PI15: variants seen among roughly 807,000 people sequenced by gnomAD.
PI15 encodes peptidase inhibitor 15, also known as 25 kDa trypsin inhibitor.
A neutral mutation model predicts 31.0 loss-of-function variants in PI15; 18 were observed. That is an observed-to-expected ratio of 0.58 (90% CI 0.40 to 0.86). The LOEUF is 0.86. Among genes scored for constraint, PI15 ranks in the 40% least tolerant of loss-of-function variants. PI15 has a pLI of 0.00. For missense variants in PI15, 282 were observed against 328.1 expected (o/e 0.86, Z 1.09); for synonymous variants, 118 against 119.1 (o/e 0.99, Z 0.06).
intron 3 of PI15, 57 bp downstream of exon 3, chr8:74,844,156 C>G (rs972893496): frequency 7.8e-5 from 63 of 812,492 alleles, no homozygotes; most frequent in Non-Finnish European, 1.2e-4. Context: ...ATTATGGACT[C>G]TAGGAGGGAA....
chr8:74,835,208 T>C (rs1328248760), intron 2 of PI15, among the ~76,000 whole-genome samples: 1 of 152,172 alleles, frequency 6.6e-6, no homozygotes, highest in African/African-American at 2.4e-5. Flanking sequence ...TTTTTATCTT[T>C]TTAAAAATTT....
At position 74,849,408 on chromosome 8, in the gene PI15, T is replaced by C; in HGVS notation, c.*155T>C. 2 of 524,328 alleles carry C rather than the reference T, an allele frequency of 3.8e-6. No individual in the cohort carries two copies. Among genetic ancestry groups the C allele is most frequent in the Admixed American group, 3.8e-5 (1 of 26,248 alleles). 32.5% of individuals were successfully genotyped at this position (524,328 alleles called of 1,614,324 possible). A position where few individuals can be genotyped will look rare whatever the true frequency, so the allele number is the denominator to read the frequency against. On this transcript the variant is annotated 3_prime_UTR_variant, in exon 6 of 6. Coordinates refer to ENST00000260113, the MANE Select transcript of PI15 (RefSeq NM_015886.5). ...TGTATAAATTAGTGTTTGTCTAGCA[T>C]GTTTGTTTAATCCTTTGAAATATTT...
chr8:74,829,403 T>C (rs1373294171), intron 2 of PI15, among the ~76,000 whole-genome samples: 1 of 152,090 alleles, frequency 6.6e-6, no homozygotes, highest in Non-Finnish European at 1.5e-5. Context: ...GCACACCAGC[T>C]GTTTTTTATT....
In PI15 at chr8:74,826,879, GA is replaced by G. The variant is rs556760695; in HGVS notation, c.273+1359del. ...AACATTAGTTTTGATGGGTTTCTTT[GA>G]ACTTCTTGTGAAAGGTGCCCAGTGA... On this transcript the variant is annotated intron_variant, in intron 2 of 5. Transcript: ENST00000260113. 5.9e-3 allele frequency among the ~76,000 whole-genome samples: 903 copies of G among 152,118 alleles called. 6 individuals carry two copies. The highest frequency in any genetic ancestry group is 0.017 in the African/African-American group (719 of 41,530).
chr8:74,825,438 G>A lies in PI15; in HGVS notation c.189G>A (p.Ser63=), dbSNP rs137968050. ...IPKARRKRYI[S]QNDMIAILDY... ...AAGCCAGGCGGAAGCGCTACATTTCGCAGAATGACATGATCGCCATTCTTG... is the reference window on the plus strand; with the variant it reads ...AAGCCAGGCGGAAGCGCTACATTTCACAGAATGACATGATCGCCATTCTTG... The change falls in exon 2 of 6, where the codon TCG becomes TCA. Residue 63 remains serine, a synonymous_variant. Transcript: ENST00000260113. 3.5e-5 allele frequency: 57 copies of A among 1,612,446 alleles called. No individual in the cohort carries two copies. Among genetic ancestry groups the A allele is most frequent in the Non-Finnish European group, 4.5e-5 (53 of 1,179,046 alleles).
intron 2 of PI15, among the ~76,000 whole-genome samples, chr8:74,842,023 CTTATT>C (rs1002047920): frequency 2.0e-5 from 3 of 148,654 alleles, no homozygotes; most frequent in South Asian, 4.3e-4. Flanking sequence ...CTTTTTTTTT[CTTATT>C]TTATTTTAAA....
At chr8:74,832,756 A>T (rs1339246606) in intron 2 of PI15, among the ~76,000 whole-genome samples, 1 of 149,502 alleles carries the variant, frequency 6.7e-6, no homozygotes, top group African/African-American at 2.5e-5. Flanking sequence ...AGTCTATGTT[A>T]TCCATAGTAT....
chr8:74,828,511 C>T (rs1304346860), intron 2 of PI15, among the ~76,000 whole-genome samples: 2 of 152,106 alleles, frequency 1.3e-5, no homozygotes, highest in Non-Finnish European at 2.9e-5. Context: ...CTATAAGTGA[C>T]TTGAATTCTC....
At chr8:74,828,390 C>T (rs1258493442) in intron 2 of PI15, among the ~76,000 whole-genome samples, 1 of 151,874 alleles carries the variant, frequency 6.6e-6, no homozygotes. Context: ...GTTAGAAGGA[C>T]TCTTTGAGTA....
chr8:74,828,132 A>G lies in PI15; in HGVS notation c.273+2610A>G, dbSNP rs1810726054. On this transcript the variant is annotated intron_variant, in intron 2 of 5. Coordinates refer to ENST00000260113, the MANE Select transcript of PI15 (RefSeq NM_015886.5). ...TGGGTGGGGAATCAGACAATAAGCC[A>G]GGTAAATAAATAAGTTACACAGGAT... Among the ~76,000 whole-genome samples the G allele has an allele frequency of 2.6e-5, 4 of 152,132 alleles. No homozygotes were observed. The South Asian group carries it at 8.3e-4, about 32-fold the overall frequency.
At chr8:74,844,427 CTGTGTGTGTGTGTGTG>C (rs57644375) in intron 3 of PI15, among the ~76,000 whole-genome samples, 81 of 141,788 alleles carry the variant, frequency 5.7e-4, no homozygotes, top group Non-Finnish European at 7.1e-4. Flanking sequence ...TGTGCAGAGG[CTGTGTGTGTGTGTGTG>C]TGTGTGTGTG....
intron 2 of PI15, among the ~76,000 whole-genome samples, chr8:74,840,275 A>T (rs1810927476): frequency 6.6e-6 from 1 of 152,160 alleles, no homozygotes; most frequent in Non-Finnish European, 1.5e-5. Context: ...TGAAATATAC[A>T]CTAGATTATC....
intron 2 of PI15, among the ~76,000 whole-genome samples, chr8:74,836,625 A>C (rs900143525): frequency 1.3e-5 from 2 of 152,150 alleles, no homozygotes; most frequent in African/African-American, 4.8e-5. Flanking sequence ...TGTGGAGATA[A>C]GGAGGAATCA....
At chr8:74,845,811 A>G (rs1199815118) in intron 5 of PI15, 2 of 223,142 alleles carry the variant, frequency 9.0e-6, no homozygotes, top group African/African-American at 4.5e-5. Context: ...TAATAGCTAT[A>G]TAAAATAAAT....
At position 74,854,607 on chromosome 8, in the gene PI15, AG is replaced by A. The variant is rs1811154492; in HGVS notation, c.*5355del. The A allele has an allele frequency of 6.6e-6, 1 of 152,088 alleles. No homozygotes were observed. 9.4% of individuals were successfully genotyped at this position (152,088 alleles called of 1,614,324 possible). On this transcript the variant is annotated 3_prime_UTR_variant, in exon 6 of 6. Transcript: ENST00000260113. Reference sequence around the variant, plus strand: ...TTCAGTTCAGTTTGTACCTGTTAGCAGTCTTTCAGTTTGGGGGAGAATTAAA... The same window carrying A: ...TTCAGTTCAGTTTGTACCTGTTAGCATCTTTCAGTTTGGGGGAGAATTAAA...
At chr8:74,847,290 A>G (rs1159516691) in intron 5 of PI15, among the ~76,000 whole-genome samples, 1 of 152,046 alleles carries the variant, frequency 6.6e-6, no homozygotes, top group African/African-American at 2.4e-5. Flanking sequence ...TACTAAAAAT[A>G]CAAAATTAGC....
Position 74,850,579 on chromosome 8 carries a change from CCA to C in PI15, c.*1333_*1334del, listed in dbSNP as rs1403969589. The C allele has an allele frequency of 6.6e-6, 1 of 152,170 alleles. No homozygotes were observed. Among genetic ancestry groups the C allele is most frequent in the Non-Finnish European group, 1.5e-5 (1 of 68,030 alleles). 9.4% of individuals were successfully genotyped at this position (152,170 alleles called of 1,614,324 possible). On this transcript the variant is annotated 3_prime_UTR_variant, in exon 6 of 6. Coordinates refer to ENST00000260113, the MANE Select transcript of PI15 (RefSeq NM_015886.5). ...TTGTATGAAAGATCCTTCGTGCACA[CCA>C]CACACAGTCATGATTTTGTTAAAGT...
intron 2 of PI15, among the ~76,000 whole-genome samples, chr8:74,836,148 A>G (rs1466251845): frequency 6.6e-6 from 1 of 152,188 alleles, no homozygotes. Flanking sequence ...CTTTTTCTGT[A>G]AAGGGCCTGA....
chr8:74,836,046 T>C (rs57416210), intron 2 of PI15, among the ~76,000 whole-genome samples: 2,531 of 152,258 alleles, frequency 0.017, 64 homozygotes, highest in African/African-American at 0.058. Context: ...GTAAGGTCAA[T>C]GAGATTTGCT....
Sources: allele counts gnomAD v4.1 joint callset (sites outside exome capture counted in the v4.1 genomes callset), GRCh38; gene constraint gnomAD v4.1.1; transcripts MANE v1.5; gene names NCBI Gene and HGNC (gene_info 2026-07-23, HGNC 2026-07-21).